Variants in MAP3K4 observed in about 807,000 individuals in gnomAD.
MAP3K4 encodes the protein MAP three kinase 1.
A neutral mutation model predicts 185.6 loss-of-function variants in MAP3K4; 67 were observed. That is an observed-to-expected ratio of 0.36 (90% CI 0.30 to 0.44). The LOEUF (loss-of-function observed/expected upper bound fraction) is 0.44, where lower values mean the gene tolerates loss of function less well. Among genes scored for constraint, MAP3K4 ranks in the 20% least tolerant of loss-of-function variants. The probability of loss-of-function intolerance (pLI) is 1.00; values close to 1 mark genes in which losing one functional copy is unlikely to be tolerated. For missense variants in MAP3K4, 1,551 were observed against 1,995.1 expected (o/e 0.78, Z 4.24); for synonymous variants, 702 against 710.4 (o/e 0.99, Z 0.19).
rs906729223 is a variant in MAP3K4 at position 161,071,190 on chromosome 6, T to C, written c.1950+340T>C. Among the ~76,000 whole-genome samples, 1 of 152,192 alleles carries C rather than the reference T, an allele frequency of 6.6e-6. No individual in the cohort carries two copies. The highest frequency in any genetic ancestry group is 1.5e-5 in the Non-Finnish European group (1 of 68,038). ...TTATTTTTTCTATTTGAAGTACATG[T>C]AAACAGATAAATGTCTAGAATAGGC... is the stretch of plus-strand genomic sequence containing the variant. On this transcript the variant is annotated intron_variant, in intron 4 of 26. Coordinates refer to ENST00000392142, the MANE Select transcript of MAP3K4 (RefSeq NM_005922.4). The surrounding 1 kb of genome is among the most constrained non-coding windows in gnomAD (Gnocchi z 4.6).
At position 161,106,735 on chromosome 6, in the gene MAP3K4, A is replaced by G. The variant is rs369987890; in HGVS notation, c.4048+30A>G. On this transcript the variant is annotated intron_variant, in intron 20 of 26. Transcript: ENST00000392142. The surrounding 1 kb of genome is among the most constrained non-coding windows in gnomAD (Gnocchi z 4.9). The stretch of plus-strand genomic sequence containing the variant: ...GGAAATTAAGGAGCATGATGTCAAG[A>G]TAGTCCCTGTTAGAAGTAGCAATAG... The G allele has an allele frequency of 2.6e-5, 40 of 1,563,576 alleles. No homozygotes were observed. In the African/African-American group the frequency reaches 4.2e-4, roughly 16 times the overall value.
chr6:161,024,987 C>G (rs998348062), intron 1 of MAP3K4, among the ~76,000 whole-genome samples: 8 of 152,120 alleles, frequency 5.3e-5, no homozygotes, highest in Middle Eastern at 3.4e-3. Context: ...ATCCATCCAC[C>G]CACCCACCCA....
chr6:161,062,688 G>A (rs1348085262), intron 3 of MAP3K4, among the ~76,000 whole-genome samples: 1 of 152,142 alleles, frequency 6.6e-6, no homozygotes, highest in African/African-American at 2.4e-5. Context: ...CTTTTGACAG[G>A]AAGCATTGAT....
intron 1 of MAP3K4, among the ~76,000 whole-genome samples, chr6:161,019,868 A>G (rs986414741): frequency 3.3e-5 from 5 of 152,212 alleles, no homozygotes; most frequent in African/African-American, 1.2e-4. Context: ...ATTTGTCCGA[A>G]TAATTAACCA....
rs377009878 is a variant in MAP3K4 at position 161,048,364 on chromosome 6, A to C, written c.344-252A>C. On this transcript the variant is annotated intron_variant, in intron 2 of 26. Coordinates refer to ENST00000392142, the MANE Select transcript of MAP3K4 (RefSeq NM_005922.4). This position sits in a 1 kb window ranked among gnomAD's most constrained non-coding sequence, Gnocchi z 4.7. ...GTAGCATAGAGAGAAATAAACAGCT[A>C]GTTTAGGTAATTAGTTGTGAATATA... is the stretch of plus-strand genomic sequence containing the variant. 3.1e-6 allele frequency: 2 copies of C among 644,494 alleles called. No homozygotes were observed. Among genetic ancestry groups the C allele is most frequent in the Non-Finnish European group, 5.8e-6 (2 of 343,484 alleles). The allele number at this position is 644,494 out of a possible 1,614,324, so 39.9% of individuals were successfully genotyped here.
rs1562483878 is a variant in MAP3K4, at chr6:161,017,799, ATC to A, written c.153-16459_153-16458del. 6.6e-6 allele frequency among the ~76,000 whole-genome samples: 1 copy of A among 152,204 alleles called. No homozygotes were observed. Among genetic ancestry groups the A allele is most frequent in the Non-Finnish European group, 1.5e-5 (1 of 68,030 alleles). On this transcript the variant is annotated intron_variant, in intron 1 of 26. Transcript: ENST00000392142. The surrounding 1 kb of genome is among the most constrained non-coding windows in gnomAD (Gnocchi z 5.1). ...ATATAATACTTAGCTACATCATGTA[ATC>A]AGTCACTTTGAAGGTTGAAGGTCAA... is the stretch of plus-strand genomic sequence containing the variant.
At chr6:161,001,066 T>A (rs1399023584) in intron 1 of MAP3K4, among the ~76,000 whole-genome samples, 27 of 69,302 alleles carry the variant, frequency 3.9e-4, no homozygotes, top group African/African-American at 1.0e-3. Context: ...ATAATATATA[T>A]TATATATTAT....
At position 161,087,357 on chromosome 6, in the gene MAP3K4, A is replaced by G. The variant is rs979878183; in HGVS notation, c.2557-331A>G. 6.6e-6 allele frequency among the ~76,000 whole-genome samples: 1 copy of G among 152,208 alleles called. No individual in the cohort carries two copies. The highest frequency in any genetic ancestry group is 1.9e-4 in the East Asian group (1 of 5,200). On this transcript the variant is annotated intron_variant, in intron 9 of 26. Transcript: ENST00000392142. The surrounding 1 kb of genome is among the most constrained non-coding windows in gnomAD (Gnocchi z 4.9). ...CCAAGCCAGGTGACTTTTTGTAAGC[A>G]TCACAAACTAGCAGTGGTTGAGGTT...
intron 3 of MAP3K4, among the ~76,000 whole-genome samples, chr6:161,065,209 C>T (rs1784654225): frequency 6.6e-6 from 1 of 152,200 alleles, no homozygotes; most frequent in African/African-American, 2.4e-5. Context: ...AGCCCTGCTT[C>T]TGCTATGTGA....
At chr6:161,005,843 A>C (rs1781557980) in intron 1 of MAP3K4, among the ~76,000 whole-genome samples, 1 of 152,126 alleles carries the variant, frequency 6.6e-6, no homozygotes, top group Non-Finnish European at 1.5e-5. Context: ...GTTAGAGTGC[A>C]GTGGTGCAAT....
intron 6 of MAP3K4, among the ~76,000 whole-genome samples, chr6:161,081,473 A>C (rs1041448469): frequency 6.6e-6 from 1 of 152,166 alleles, no homozygotes; most frequent in African/African-American, 2.4e-5. Context: ...CGCGTATATC[A>C]GTCTTGGTGG....
intron 3 of MAP3K4, among the ~76,000 whole-genome samples, chr6:161,052,016 G>A (rs1237076257): frequency 2.0e-5 from 3 of 151,880 alleles, no homozygotes; most frequent in African/African-American, 7.3e-5. Flanking sequence ...CTTGATCTGC[G>A]GATGCATATC....
intron 3 of MAP3K4, 110 bp downstream of exon 3, chr6:161,050,089 A>G: frequency 1.8e-6 from 2 of 1,112,386 alleles, no homozygotes; most frequent in South Asian, 1.6e-5. Flanking sequence ...TTGAACACAA[A>G]TGGCAGTTAT....
rs368738318 is a variant in MAP3K4, at chr6:161,080,700, A to G, written c.2098-181A>G. The G allele has an allele frequency of 6.9e-5, 38 of 552,402 alleles. 1 individual carries two copies. Among genetic ancestry groups the G allele is most frequent in the East Asian group, 6.0e-4 (19 of 31,832 alleles). 34.2% of individuals were successfully genotyped at this position (552,402 alleles called of 1,614,324 possible). A position where few individuals can be genotyped will look rare whatever the true frequency, so the allele number is the denominator to read the frequency against. ...GGGGAGTTAGTTTTGTGATTTTTTA[A>G]AAAATCCTCATTTAGACCTCAGCTA... On this transcript the variant is annotated intron_variant, in intron 5 of 26. Coordinates refer to ENST00000392142, the MANE Select transcript of MAP3K4 (RefSeq NM_005922.4). The surrounding 1 kb of genome is among the most constrained non-coding windows in gnomAD (Gnocchi z 4.8).
intron 19 of MAP3K4, among the ~76,000 whole-genome samples, chr6:161,104,153 G>A (rs1266549204): frequency 4.6e-5 from 7 of 152,010 alleles, no homozygotes; most frequent in Admixed American, 1.3e-4. Flanking sequence ...GGTGGTTCAC[G>A]CCTGTAATCC....
intron 15 of MAP3K4, among the ~76,000 whole-genome samples, chr6:161,094,891 A>G (rs1159372549): frequency 6.6e-6 from 1 of 152,252 alleles, no homozygotes; most frequent in Non-Finnish European, 1.5e-5. Flanking sequence ...CACATGATCG[A>G]TAATTCAGTA....
rs968455438 is a variant in MAP3K4 at position 161,061,257 on chromosome 6, A to G, written c.1708-9351A>G. ...TACTGACTATATTCCAAAATAGACA[A>G]TCATCTCAGTGTGATTACTGGAAAA... On this transcript the variant is annotated intron_variant, in intron 3 of 26. Transcript: ENST00000392142. The surrounding 1 kb of genome is among the most constrained non-coding windows in gnomAD (Gnocchi z 4.2). 2.6e-5 allele frequency among the ~76,000 whole-genome samples: 4 copies of G among 152,220 alleles called. No homozygotes were observed. Among genetic ancestry groups the G allele is most frequent in the South Asian group, 4.1e-4 (2 of 4,834 alleles).
chr6:161,041,771 A>G (rs981683884), intron 2 of MAP3K4, among the ~76,000 whole-genome samples: 3 of 152,128 alleles, frequency 2.0e-5, no homozygotes, highest in Admixed American at 6.5e-5. Flanking sequence ...TGGCTGTTAC[A>G]TAGAGAGTTG....
chr6:161,016,614 A>G (rs1040367187), intron 1 of MAP3K4, among the ~76,000 whole-genome samples: 7 of 152,122 alleles, frequency 4.6e-5, no homozygotes, highest in African/African-American at 1.7e-4. Flanking sequence ...CCCATTGAAT[A>G]TTTTTGGCAC....
Sources: gnomAD v4.1 joint callset for allele counts (sites outside exome capture counted in the v4.1 genomes callset) on GRCh38, gnomAD v4.1.1 for gene constraint, Gnocchi (gnomAD v3.1) non-coding constraint, MANE v1.5 for transcripts, NCBI Gene and HGNC (gene_info 2026-07-23, HGNC 2026-07-21) for gene names.